The following TCERG1L variants were observed in gnomAD, a reference collection of about 807,000 sequenced individuals.
TCERG1L encodes the protein transcription elongation regulator 1 like, also known as transcription elongation regulator 1-like protein.
TCERG1L carries 37 observed loss-of-function variants against 56.3 expected under a neutral mutation model. The observed-to-expected ratio is 0.66, with a 90% CI of 0.51 to 0.87. TCERG1L has a LOEUF of 0.87. Among genes scored for constraint, TCERG1L ranks in the 40% least tolerant of loss-of-function variants. The pLI is 0.00. For missense variants in TCERG1L, 799 were observed against 774.2 expected, an observed-to-expected ratio of 1.03 and a Z score of -0.38; for synonymous variants, 324 against 326.3, an observed-to-expected ratio of 0.99 and a Z score of 0.08.
intron 3 of TCERG1L, among the ~76,000 whole-genome samples, chr10:131,299,819 T>A (rs1846741504): frequency 6.6e-6 from 1 of 152,156 alleles, no homozygotes; most frequent in Non-Finnish European, 1.5e-5. Flanking sequence ...ACACTTCCAA[T>A]TCCTTCCTTA....
intron 3 of TCERG1L, among the ~76,000 whole-genome samples, chr10:131,263,552 C>T (rs1846253547): frequency 6.6e-6 from 1 of 152,174 alleles, no homozygotes; most frequent in South Asian, 2.1e-4. Context: ...CACTATGAAC[C>T]ACAGCCTTGT....
chr10:131,105,761 A>G (rs1430882558), intron 9 of TCERG1L, among the ~76,000 whole-genome samples: 2 of 151,836 alleles, frequency 1.3e-5, no homozygotes, highest in African/African-American at 2.4e-5. Context: ...TATGTACTCA[A>G]TCTTTTATTT....
In TCERG1L at chr10:131,234,605, A is replaced by C. The variant is rs74160880; in HGVS notation, c.856+25654T>G. On this transcript the variant is annotated intron_variant, in intron 4 of 11. Coordinates refer to ENST00000368642, the MANE Select transcript of TCERG1L (RefSeq NM_174937.4). ...GTGTACTCATTTATTCTTGATCCCA[A>C]GGGCAAAAAATAACCAGCACCTTGG... is the stretch of plus-strand genomic sequence containing the variant. 5.6e-3 allele frequency among the ~76,000 whole-genome samples: 846 copies of C among 152,330 alleles called. 4 individuals are homozygous for C. Among genetic ancestry groups the C allele is most frequent in the African/African-American group, 0.019 (788 of 41,570 alleles).
rs936464752 is a variant in TCERG1L at position 131,260,008 on chromosome 10, G to A, written c.856+251C>T. ...AAAGAGAAGTCTCATTTCCTCAAAC[G>A]GAAGCTTTCACCTTGGCTTTACAGC... On this transcript the variant is annotated intron_variant, in intron 4 of 11. Coordinates refer to ENST00000368642, the MANE Select transcript of TCERG1L (RefSeq NM_174937.4). This position sits in a 1 kb window ranked among gnomAD's most constrained non-coding sequence, Gnocchi z 5.8. Among the ~76,000 whole-genome samples, 1 of 152,214 alleles carries A rather than the reference G, an allele frequency of 6.6e-6. No individual in the cohort carries two copies. Among genetic ancestry groups the A allele is most frequent in the Non-Finnish European group, 1.5e-5 (1 of 68,036 alleles).
intron 11 of TCERG1L, among the ~76,000 whole-genome samples, chr10:131,095,022 T>C (rs1845227136): frequency 6.6e-6 from 1 of 152,244 alleles, no homozygotes; most frequent in East Asian, 1.9e-4. Context: ...GGCTTTCTGC[T>C]GATGCTGATG....
chr10:131,103,466 G>A lies in TCERG1L; in HGVS notation c.1485+799C>T, dbSNP rs1457705964. Among the ~76,000 whole-genome samples the A allele has an allele frequency of 6.6e-6, 1 of 152,160 alleles. No individual in the cohort carries two copies. Among genetic ancestry groups the A allele is most frequent in the East Asian group, 1.9e-4 (1 of 5,172 alleles). On this transcript the variant is annotated intron_variant, in intron 10 of 11. Transcript: ENST00000368642. This position sits in a 1 kb window ranked among gnomAD's most constrained non-coding sequence, Gnocchi z 4.3. ...AACACTTTGGGAGCCCAAGGTGGAAGGATTGCTTGAGCCTAGGAGTTCAAG... is the reference window on the plus strand; with the variant it reads ...AACACTTTGGGAGCCCAAGGTGGAAAGATTGCTTGAGCCTAGGAGTTCAAG...
chr10:131,180,837 TA>T lies in TCERG1L; in HGVS notation c.857-13953del, dbSNP rs60303602. On this transcript the variant is annotated intron_variant, in intron 4 of 11. Transcript: ENST00000368642. ...ACTTTATCAAATAAGAACGTTTTTG[TA>T]AAAAAAAAGGGTTCAGTATTAAAGT... Among the ~76,000 whole-genome samples the T allele has an allele frequency of 5.1e-4, 76 of 150,270 alleles. 2 individuals carry two copies. Among genetic ancestry groups the T allele is most frequent in the Admixed American group, 4.7e-3 (71 of 15,144 alleles).
At chr10:131,147,176 C>A (rs757780129) in intron 6 of TCERG1L, among the ~76,000 whole-genome samples, 18 of 152,070 alleles carry the variant, frequency 1.2e-4, no homozygotes, top group Non-Finnish European at 2.4e-4. Context: ...GCAACCACAG[C>A]CCCGGTGTCC....
chr10:131,307,774 C>T (rs1293072604), intron 3 of TCERG1L, among the ~76,000 whole-genome samples: 1 of 152,072 alleles, frequency 6.6e-6, no homozygotes, highest in African/African-American at 2.4e-5. Context: ...CACTATCACC[C>T]GCAATGTGAA....
intron 4 of TCERG1L, among the ~76,000 whole-genome samples, chr10:131,205,888 G>T (rs1845518350): frequency 6.6e-6 from 1 of 152,188 alleles, no homozygotes; most frequent in Non-Finnish European, 1.5e-5. Flanking sequence ...ACGACAGAGG[G>T]CCGAGGTGGT....
At chr10:131,299,583 G>A (rs1367174143) in intron 3 of TCERG1L, among the ~76,000 whole-genome samples, 3 of 144,074 alleles carry the variant, frequency 2.1e-5, no homozygotes, top group Non-Finnish European at 4.6e-5. Context: ...TAAGTACAAC[G>A]TTAGCTGTAG....
chr10:131,283,972 A>C (rs1846492336), intron 3 of TCERG1L, among the ~76,000 whole-genome samples: 1 of 152,002 alleles, frequency 6.6e-6, no homozygotes, highest in Non-Finnish European at 1.5e-5. Context: ...AAAATTCAAA[A>C]ATTAGCCAGG....
At chr10:131,115,292 G>A (rs1453470720) in intron 9 of TCERG1L, among the ~76,000 whole-genome samples, 1 of 152,218 alleles carries the variant, frequency 6.6e-6, no homozygotes, top group African/African-American at 2.4e-5. Context: ...CAGGGCTAGA[G>A]CTTTTCACCA....
At position 131,311,347 on chromosome 10, in the gene TCERG1L, G is replaced by T; in HGVS notation, c.289C>A (p.Pro97Thr). Reference protein sequence around the residue: ...VLPLLPLPSAPDSAAAAAAHP... With the variant: ...VLPLLPLPSATDSAAAAAAHP... ...GCGGCGGCGGCGGCGGCGGAGTCTG[G>T]CGCAGAGGGCAGCGGCAGCAGCGGG... The change falls in exon 1 of 12, where the codon CCA (proline) becomes ACA (threonine). Residue 97 changes from proline (P) to threonine (T), a missense_variant. Physicochemically the swap from Pro to Thr is conservative, Grantham distance 38. Transcript: ENST00000368642. This position sits in a 1 kb window ranked among gnomAD's most constrained non-coding sequence, Gnocchi z 4.0. 1 of 1,202,832 alleles carries T rather than the reference G, an allele frequency of 8.3e-7. No homozygotes were observed. Among genetic ancestry groups the T allele is most frequent in the Non-Finnish European group, 1.0e-6 (1 of 970,842 alleles). The allele number at this position is 1,202,832 out of a possible 1,614,324, so 74.5% of individuals were successfully genotyped here. A position where few individuals can be genotyped will look rare whatever the true frequency, so the allele number is the denominator to read the frequency against.
intron 4 of TCERG1L, among the ~76,000 whole-genome samples, chr10:131,180,370 C>T (rs527986058): frequency 6.6e-6 from 1 of 152,224 alleles, no homozygotes; most frequent in Admixed American, 6.5e-5. Flanking sequence ...CTGCAAATTA[C>T]AAACTCTAAG....
chr10:131,095,234 G>GT (rs1845231507), intron 11 of TCERG1L: 2 of 145,926 alleles, frequency 1.4e-5, no homozygotes, highest in South Asian at 1.8e-4. Context: ...CCCACCGGAC[G>GT]GCCAACCCCA....
intron 8 of TCERG1L, among the ~76,000 whole-genome samples, chr10:131,127,253 G>A (rs1845574021): frequency 6.6e-6 from 1 of 152,192 alleles, no homozygotes; most frequent in South Asian, 2.1e-4. Flanking sequence ...ACACACTGAT[G>A]AGTGAAGAAC....
intron 3 of TCERG1L, among the ~76,000 whole-genome samples, chr10:131,282,311 G>A (rs116333117): frequency 1.5e-5 from 2 of 135,548 alleles, no homozygotes; most frequent in African/African-American, 2.7e-5. Flanking sequence ...CAAAAAAACC[G>A]TGTTATAGGA....
intron 4 of TCERG1L, among the ~76,000 whole-genome samples, chr10:131,212,841 T>C (rs1845632108): frequency 6.6e-6 from 1 of 152,256 alleles, no homozygotes; most frequent in Admixed American, 6.5e-5. Context: ...AACAGGACTG[T>C]GGATGCAGCT....
Sources: gnomAD v4.1 joint callset for allele counts (sites outside exome capture counted in the v4.1 genomes callset) on GRCh38, gnomAD v4.1.1 for gene constraint, Gnocchi (gnomAD v3.1) non-coding constraint, MANE v1.5 for transcripts, NCBI Gene and HGNC (gene_info 2026-07-23, HGNC 2026-07-21) for gene names.